Variants in CTBP2 observed in about 807,000 individuals in gnomAD.
CTBP2 encodes C-terminal-binding protein 2.
CTBP2 carries 30 observed loss-of-function variants against 80.3 expected under a neutral mutation model. That is an observed-to-expected ratio of 0.37 (90% CI 0.28 to 0.51). The LOEUF is 0.51. Ranked by LOEUF, CTBP2 falls within the 20% of genes least tolerant of loss-of-function variation. The pLI is 0.93. For missense variants in CTBP2, 1,212 were observed against 1,375.3 expected (o/e 0.88, Z 1.88); for synonymous variants, 594 against 587.4 (o/e 1.01, Z -0.16).
chr10:125,012,160 C>T (rs1291716343), intron 1 of CTBP2, among the ~76,000 whole-genome samples: 1 of 152,240 alleles, frequency 6.6e-6, no homozygotes, highest in Non-Finnish European at 1.5e-5. Flanking sequence ...TCTGGTGAGA[C>T]GCGCTACGTG....
intron 2 of CTBP2, among the ~76,000 whole-genome samples, chr10:125,065,375 A>G (rs1180982048): frequency 1.3e-5 from 2 of 152,186 alleles, no homozygotes; most frequent in Non-Finnish European, 2.9e-5. Flanking sequence ...AAAAAATTGA[A>G]AACAACCCAA....
At chr10:125,150,453 G>T (rs1366908496) in intron 1 of CTBP2, among the ~76,000 whole-genome samples, 1 of 152,302 alleles carries the variant, frequency 6.6e-6, no homozygotes, top group African/African-American at 2.4e-5. Context: ...TGGGAGGAAA[G>T]AAGGAGTCTA....
intron 1 of CTBP2, among the ~76,000 whole-genome samples, chr10:125,155,706 T>A (rs906747801): frequency 5.3e-5 from 8 of 152,052 alleles, no homozygotes; most frequent in Non-Finnish European, 1.2e-4. Flanking sequence ...AACTCTTTCA[T>A]AAGTCTTTGA....
At chr10:125,096,931 T>C (rs760225006) in intron 2 of CTBP2, among the ~76,000 whole-genome samples, 3 of 152,214 alleles carry the variant, frequency 2.0e-5, no homozygotes, top group Non-Finnish European at 4.4e-5. Context: ...ATTCATCAAC[T>C]AAGTCCAAAC....
intron 2 of CTBP2, among the ~76,000 whole-genome samples, chr10:125,071,474 C>G (rs938811212): frequency 6.6e-6 from 1 of 152,240 alleles, no homozygotes; most frequent in African/African-American, 2.4e-5. Context: ...ATCCAACATG[C>G]TGAAGACCTG....
chr10:125,013,930 C>T (rs961842130), intron 1 of CTBP2, among the ~76,000 whole-genome samples: 2 of 152,188 alleles, frequency 1.3e-5, no homozygotes, highest in African/African-American at 4.8e-5. Context: ...TTAAAGTTCT[C>T]TCTCTTTTAC....
chr10:125,094,858 G>A lies in CTBP2; in HGVS notation c.-102+16132C>T, dbSNP rs367764367. On this transcript the variant is annotated intron_variant, in intron 2 of 10. Coordinates refer to the CTBP2 transcript ENST00000337195. The stretch of plus-strand genomic sequence containing the variant: ...TGAGAAATGGCTGGGGCTGATTACC[G>A]GCAATTTTTTTTTTTTTTTTAACCA... Among the ~76,000 whole-genome samples, 26 of 138,324 alleles carry A rather than the reference G, an allele frequency of 1.9e-4. No homozygotes were observed. In the South Asian group the frequency reaches 5.4e-3, roughly 29 times the overall value. The allele number at this position is 138,324 out of a possible 152,430, so 90.7% of individuals were successfully genotyped here. A position where few individuals can be genotyped will look rare whatever the true frequency, so the allele number is the denominator to read the frequency against.
intron 1 of CTBP2, among the ~76,000 whole-genome samples, chr10:125,123,323 C>A (rs1854656474): frequency 1.3e-5 from 2 of 152,160 alleles, no homozygotes; most frequent in Non-Finnish European, 2.9e-5. Context: ...CTAGGGATTT[C>A]TGAATAGTAT....
upstream of CTBP2, among the ~76,000 whole-genome samples, chr10:125,029,224 AT>A (rs1057199711): frequency 0.011 from 1,528 of 143,768 alleles, 26 homozygotes; most frequent in African/African-American, 0.036. Flanking sequence ...CAGTCTTTAA[AT>A]TTTTTTTTTT....
chr10:124,985,043 T>A lies in CTBP2; in HGVS notation c.*4475A>T. The A allele has an allele frequency of 7.1e-7, 1 of 1,411,770 alleles. No homozygotes were observed. The highest frequency in any genetic ancestry group is 9.8e-7 in the Non-Finnish European group (1 of 1,021,408). The allele number at this position is 1,411,770 out of a possible 1,614,324, so 87.5% of individuals were successfully genotyped here. A position where few individuals can be genotyped will look rare whatever the true frequency, so the allele number is the denominator to read the frequency against. On this transcript the variant is annotated 3_prime_UTR_variant, in exon 9 of 9. Transcript: ENST00000309035. ...CAAGGCATCAGATCTGTAATGACCCTAAAGTTAGTGTGGTGCTCCAAGCAG... is the reference window on the plus strand; with the variant it reads ...CAAGGCATCAGATCTGTAATGACCCAAAAGTTAGTGTGGTGCTCCAAGCAG...
At position 125,050,452 on chromosome 10, in the gene CTBP2, G is replaced by A. The variant is rs374046959; in HGVS notation, c.-101-11297C>T. 9.8e-5 allele frequency among the ~76,000 whole-genome samples: 15 copies of A among 152,310 alleles called. No individual in the cohort carries two copies. The South Asian group carries it at 2.9e-3, about 29-fold the overall frequency. On this transcript the variant is annotated intron_variant, in intron 2 of 10. Coordinates refer to the CTBP2 transcript ENST00000337195. ...TTAACACGGTTTTCACGTGGAAGAC[G>A]GCTACGTAACGGAAACCCAGAGGGA...
chr10:124,994,813 C>T, intron 4 of CTBP2, 130 bp from the exon 7 acceptor site: 1 of 954,646 alleles, frequency 1.0e-6, no homozygotes, highest in Middle Eastern at 2.6e-4. Flanking sequence ...AAACCGTGTG[C>T]CCAAAGCTTA....
chr10:125,010,805 GAA>G (rs1270408348), intron 1 of CTBP2, among the ~76,000 whole-genome samples: 1 of 152,182 alleles, frequency 6.6e-6, no homozygotes, highest in East Asian at 1.9e-4. Context: ...TCTAAACTTA[GAA>G]AGCGGTGATG....
At chr10:125,110,247 A>AT (rs1001169491) in intron 2 of CTBP2, among the ~76,000 whole-genome samples, 24 of 151,930 alleles carry the variant, frequency 1.6e-4, no homozygotes, top group East Asian at 5.8e-4. Flanking sequence ...CGGGGAAAAC[A>AT]TTTTTTTTTA....
chr10:125,145,650 A>G (rs897495905), intron 1 of CTBP2, among the ~76,000 whole-genome samples: 8 of 152,148 alleles, frequency 5.3e-5, no homozygotes, highest in South Asian at 2.1e-4. Flanking sequence ...TCACGCCACC[A>G]TAACTACTGG....
intron 1 of CTBP2, among the ~76,000 whole-genome samples, chr10:125,159,540 A>G (rs1861579404): frequency 1.3e-5 from 2 of 148,980 alleles, no homozygotes; most frequent in African/African-American, 4.9e-5. Context: ...TGCCCGGAGG[A>G]GCCAACAATG....
chr10:125,005,582 C>T (rs1193590364), intron 1 of CTBP2: 2 of 1,612,286 alleles, frequency 1.2e-6, no homozygotes, highest in South Asian at 1.1e-5. Context: ...AGGAAGCGTG[C>T]AGCACAAAGC....
At chr10:125,140,544 C>T (rs182705583) in intron 1 of CTBP2, among the ~76,000 whole-genome samples, 1 of 152,304 alleles carries the variant, frequency 6.6e-6, no homozygotes, top group East Asian at 1.9e-4. Context: ...TATCAAGGGC[C>T]GGGTGCAGTG....
intron 1 of CTBP2, among the ~76,000 whole-genome samples, chr10:125,115,730 C>A (rs1258660106): frequency 1.3e-5 from 2 of 152,200 alleles, no homozygotes; most frequent in Non-Finnish European, 2.9e-5. Context: ...ATCCAATAGT[C>A]CTAATCAGGT....
Sources: gnomAD v4.1 joint callset for allele counts (sites outside exome capture counted in the v4.1 genomes callset) on GRCh38, gnomAD v4.1.1 for gene constraint, MANE v1.5 for transcripts, NCBI Gene and HGNC (gene_info 2026-07-23, HGNC 2026-07-21) for gene names.